ZNF609: variants seen among roughly 807,000 people sequenced by gnomAD.
ZNF609 encodes zinc finger protein 609.
ZNF609 carries 11 observed loss-of-function variants against 109.5 expected under a neutral mutation model. That is an observed-to-expected ratio of 0.10 (90% CI 0.06 to 0.17). The LOEUF is 0.17. Ranked by LOEUF, ZNF609 falls within the 10% of genes least tolerant of loss-of-function variation. The probability of loss-of-function intolerance (pLI) is 1.00; values close to 1 mark genes in which losing one functional copy is unlikely to be tolerated. For synonymous variants in ZNF609, 646 were observed against 662.0 expected (o/e 0.98, Z 0.37); for missense variants, 1,559 against 1,772.4 (o/e 0.88, Z 2.16).
chr15:64,502,049 T>G (rs1893569943), intron 2 of ZNF609: 1 of 152,160 alleles, frequency 6.6e-6, no homozygotes, highest in South Asian at 2.1e-4. Context: ...CCATATAAGC[T>G]TTGCCTCCCA....
At chr15:64,544,110 C>T (rs780025529) in intron 2 of ZNF609, among the ~76,000 whole-genome samples, 5 of 152,134 alleles carry the variant, frequency 3.3e-5, no homozygotes, top group South Asian at 2.1e-4. Context: ...AGGCCAAGGA[C>T]GGCGGATCAC....
intron 2 of ZNF609, among the ~76,000 whole-genome samples, chr15:64,594,004 T>G (rs74019268): frequency 6.6e-6 from 1 of 152,314 alleles, no homozygotes; most frequent in African/African-American, 2.4e-5. Flanking sequence ...AGGAGAGGTT[T>G]GAAGGGTTTT....
chr15:64,650,018 C>T (rs1896390794), intron 3 of ZNF609, among the ~76,000 whole-genome samples: 1 of 151,486 alleles, frequency 6.6e-6, no homozygotes, highest in African/African-American at 2.4e-5. Flanking sequence ...GTGGCATGTG[C>T]CAGTAAGTCC....
chr15:64,598,564 G>A (rs769680109), intron 2 of ZNF609, among the ~76,000 whole-genome samples: 4 of 151,436 alleles, frequency 2.6e-5, no homozygotes, highest in Non-Finnish European at 5.9e-5. Context: ...TATAGTACAT[G>A]CTCCATCATA....
intron 7 of ZNF609, 102 bp from the exon 8 acceptor site, chr15:64,680,541 TGGC>T: frequency 7.8e-7 from 1 of 1,287,462 alleles, no homozygotes; most frequent in Non-Finnish European, 1.1e-6. Context: ...GGTCATAAGG[TGGC>T]ACCCTGGGCA....
rs751411151 is a variant in ZNF609, at chr15:64,680,763, C to T, written c.4063C>T (p.Arg1355Cys). ...GGGTGAACGGAGTGTTGACCGGCCC[C>T]GCACCTCTCCTTCCCAGCGCCTGAT... ...SGGERSVDRP[R>C]TSPSQRLMST... is the part of the protein sequence containing the mutation. Residue 1355 changes from arginine to cysteine, a missense_variant, in exon 8 of 10, where the codon CGC becomes TGC. Physicochemically the swap from Arg to Cys is radical, Grantham distance 180. Around this residue, in one of 4 missense-constraint regions of ZNF609, gnomAD observed 1,204 missense variants for 1,314.1 expected, o/e 0.92. Coordinates refer to ENST00000326648, the MANE Select transcript of ZNF609 (RefSeq NM_015042.2). 2.7e-5 allele frequency: 43 copies of T among 1,613,516 alleles called. No individual in the cohort carries two copies. The highest frequency in any genetic ancestry group is 1.2e-4 in the Admixed American group (7 of 59,972).
intron 3 of ZNF609, among the ~76,000 whole-genome samples, chr15:64,632,841 CAGT>C (rs58893563): frequency 0.052 from 7,033 of 136,086 alleles, 546 homozygotes; most frequent in African/African-American, 0.19. Flanking sequence ...GTGGTGTGAT[CAGT>C]GGTGTGATCA....
intron 2 of ZNF609, among the ~76,000 whole-genome samples, chr15:64,605,794 C>T (rs1481347484): frequency 4.9e-5 from 7 of 143,260 alleles, no homozygotes; most frequent in East Asian, 2.0e-4. Context: ...AGTGCAGTGG[C>T]GCGATCTCGG....
At chr15:64,642,224 C>T (rs1341003512) in intron 3 of ZNF609, among the ~76,000 whole-genome samples, 2 of 152,088 alleles carry the variant, frequency 1.3e-5, no homozygotes, top group Non-Finnish European at 2.9e-5. Flanking sequence ...CGTTCTGTCA[C>T]CCAGGTTGGA....
At position 64,675,494 on chromosome 15, in the gene ZNF609, T is replaced by C. The variant is rs764511484; in HGVS notation, c.2640T>C (p.Phe880=). The C allele has an allele frequency of 4.9e-5, 79 of 1,613,888 alleles. No individual in the cohort carries two copies. The highest frequency in any genetic ancestry group is 3.8e-4 in the South Asian group (35 of 91,068). The stretch of plus-strand genomic sequence containing the variant: ...AAGAAGGGGCTAAGAAAACTCTTTT[T>C]CCCCCTCAGCCTCAGAGCAAAGACT... ...LVKEGAKKTL[F]PPQPQSKDSP... Residue 880 remains phenylalanine, a synonymous_variant, in exon 5 of 10, where the codon TTT becomes TTC. Coordinates refer to ENST00000326648, the MANE Select transcript of ZNF609 (RefSeq NM_015042.2).
intron 3 of ZNF609, among the ~76,000 whole-genome samples, chr15:64,636,353 A>G (rs1246406692): frequency 6.6e-6 from 1 of 152,162 alleles, no homozygotes; most frequent in Non-Finnish European, 1.5e-5. Context: ...GGCTATGGTG[A>G]GAAATTGAGC....
At chr15:64,594,189 G>T (rs1300018374) in intron 2 of ZNF609, among the ~76,000 whole-genome samples, 1 of 152,218 alleles carries the variant, frequency 6.6e-6, no homozygotes, top group Non-Finnish European at 1.5e-5. Context: ...CTAGGAACAC[G>T]TGGAGTGGGA....
chr15:64,489,571 C>A (rs1359502433), intron 1 of ZNF609, among the ~76,000 whole-genome samples: 1 of 147,772 alleles, frequency 6.8e-6, no homozygotes, highest in Admixed American at 6.9e-5. Context: ...GCTCTGTCAC[C>A]CAGGCTGGAG....
rs182008490 is a variant in ZNF609, at chr15:64,654,846, C to T, written c.974-15500C>T. 3.3e-5 allele frequency among the ~76,000 whole-genome samples: 5 copies of T among 152,206 alleles called. No homozygotes were observed. In the East Asian group the frequency reaches 9.6e-4, roughly 29 times the overall value. On this transcript the variant is annotated intron_variant, in intron 3 of 9. Transcript: ENST00000326648. ...GCACGGTGGCTCACGCCTGTAATCC[C>T]AGCACTTTGGGAGGCCGAGGCAGGT...
chr15:64,616,514 CTTTTTTTTTTT>C (rs56145140), intron 2 of ZNF609, among the ~76,000 whole-genome samples: 4 of 66,918 alleles, frequency 6.0e-5, no homozygotes, highest in African/African-American at 2.1e-4. Flanking sequence ...AAACTGATAT[CTTTTTTTTTTT>C]TTTTTTTTTT....
At chr15:64,536,916 GAAA>G (rs60594462) in intron 2 of ZNF609, among the ~76,000 whole-genome samples, 217 of 55,396 alleles carry the variant, frequency 3.9e-3, no homozygotes, top group African/African-American at 0.014. Flanking sequence ...TCTCAAAAAA[GAAA>G]AAAAAAAAAA....
chr15:64,522,849 AAAAG>A (rs1004047627), intron 2 of ZNF609, among the ~76,000 whole-genome samples: 16 of 152,164 alleles, frequency 1.1e-4, no homozygotes, highest in Middle Eastern at 3.2e-3. Context: ...AAGTTGCACA[AAAAG>A]AAACCCATCT....
chr15:64,516,522 C>T (rs1046786920), intron 2 of ZNF609, among the ~76,000 whole-genome samples: 3 of 152,042 alleles, frequency 2.0e-5, no homozygotes, highest in Admixed American at 6.6e-5. Context: ...GACAGGCATG[C>T]GCCACCACCC....
At chr15:64,487,773 C>G (rs942673932) in intron 1 of ZNF609, among the ~76,000 whole-genome samples, 1 of 152,124 alleles carries the variant, frequency 6.6e-6, no homozygotes, top group Non-Finnish European at 1.5e-5. Flanking sequence ...GCTGGAACTA[C>G]AAGCGAGCGC....
Sources: gnomAD v4.1 joint callset for allele counts (sites outside exome capture counted in the v4.1 genomes callset) on GRCh38, gnomAD v4.1.1 for gene constraint, gnomAD v4.1.1 regional missense constraint, MANE v1.5 for transcripts, NCBI Gene and HGNC (gene_info 2026-07-23, HGNC 2026-07-21) for gene names.